Variants in SLCO4A1 observed in about 807,000 individuals in gnomAD.
The protein encoded by SLCO4A1 is solute carrier organic anion transporter family member 4A1.
A neutral mutation model predicts 64.6 loss-of-function variants in SLCO4A1; 51 were observed. That is an observed-to-expected ratio of 0.79 (90% CI 0.63 to 1.00). SLCO4A1 has a LOEUF of 1.00. Among genes scored for constraint, SLCO4A1 ranks in the 50% least tolerant of loss-of-function variants. The probability of loss-of-function intolerance (pLI) is 0.00; values close to 1 mark genes in which losing one functional copy is unlikely to be tolerated. For missense variants in SLCO4A1, 919 were observed against 980.5 expected (o/e 0.94, Z 0.84); for synonymous variants, 471 against 444.9 (o/e 1.06, Z -0.74).
downstream of SLCO4A1, among the ~76,000 whole-genome samples, chr20:62,688,955 C>G (rs948244934): frequency 3.9e-5 from 6 of 152,254 alleles, no homozygotes; most frequent in African/African-American, 1.4e-4. Flanking sequence ...TTTCTAGAAG[C>G]TGGAAAATCA....
At chr20:62,679,371 T>G (rs1294514669) in intron 2 of SLCO4A1, among the ~76,000 whole-genome samples, 2 of 151,832 alleles carry the variant, frequency 1.3e-5, no homozygotes, top group Non-Finnish European at 2.9e-5. Flanking sequence ...ATTCCTTTTT[T>G]TTTTTTCTGA....
chr20:62,674,858 C>G (rs1987513371), downstream of SLCO4A1, among the ~76,000 whole-genome samples: 1 of 152,210 alleles, frequency 6.6e-6, no homozygotes, highest in South Asian at 2.1e-4. Context: ...AGACAGCCGT[C>G]TGCAGACCAA....
intron 6 of SLCO4A1, chr20:62,665,513 A>G: frequency 6.2e-6 from 1 of 161,494 alleles, no homozygotes; most frequent in Non-Finnish European, 1.3e-5. Flanking sequence ...GAAAGTGGGG[A>G]CCCCTCCTCA....
intron 2 of SLCO4A1, among the ~76,000 whole-genome samples, chr20:62,681,811 A>G (rs543004394): frequency 2.6e-5 from 4 of 152,288 alleles, no homozygotes; most frequent in African/African-American, 9.6e-5. Context: ...TTTCTTTTTC[A>G]GAAGGTCTCA....
intron 11 of SLCO4A1, among the ~76,000 whole-genome samples, chr20:62,669,399 A>T (rs1420221326): frequency 6.6e-6 from 1 of 152,228 alleles, no homozygotes; most frequent in Non-Finnish European, 1.5e-5. Flanking sequence ...GATGCCCGTT[A>T]ACTAAAAGCT....
intron 5 of SLCO4A1, chr20:62,663,077 A>G (rs1212542765): frequency 6.6e-6 from 1 of 152,246 alleles, no homozygotes; most frequent in Non-Finnish European, 1.5e-5. Flanking sequence ...AAGGGGACAG[A>G]AAGAACCCAT....
At chr20:62,660,358 T>C (rs1984533496) in intron 3 of SLCO4A1, 54 bp from the exon 4 acceptor site, 1 of 1,580,870 alleles carries the variant, frequency 6.3e-7, no homozygotes, top group South Asian at 1.1e-5. Flanking sequence ...GTGTGTGCCA[T>C]GGAGGGCACA....
intron 1 of SLCO4A1, among the ~76,000 whole-genome samples, chr20:62,648,342 A>G (rs775516385): frequency 1.6e-4 from 25 of 152,244 alleles, no homozygotes; most frequent in Non-Finnish European, 2.9e-4. Flanking sequence ...GGACAGAGGC[A>G]TCAGGGCAGT....
chr20:62,655,084 G>T (rs1404101773), intron 1 of SLCO4A1, among the ~76,000 whole-genome samples: 1 of 152,226 alleles, frequency 6.6e-6, no homozygotes, highest in South Asian at 2.1e-4. Flanking sequence ...ATATTCGGAG[G>T]TATTGGGGTC....
At chr20:62,643,750 C>T (rs183710721) in intron 1 of SLCO4A1, among the ~76,000 whole-genome samples, 61 of 152,356 alleles carry the variant, frequency 4.0e-4, no homozygotes, top group Middle Eastern at 3.4e-3. Context: ...TAGCCGGCTC[C>T]GCTTGTGAAT....
At chr20:62,653,937 G>GC (rs1423598468) in intron 1 of SLCO4A1, among the ~76,000 whole-genome samples, 1 of 152,018 alleles carries the variant, frequency 6.6e-6, no homozygotes, top group African/African-American at 2.4e-5. Flanking sequence ...TAAACCTAAT[G>GC]TAAATGATGA....
In SLCO4A1 at chr20:62,657,117, G is replaced by C. The variant is rs898179378; in HGVS notation, c.663G>C (p.Ser221=). 1.9e-6 allele frequency: 3 copies of C among 1,583,442 alleles called. No homozygotes were observed. Among genetic ancestry groups the C allele is most frequent in the East Asian group, 2.3e-5 (1 of 43,126 alleles). Residue 221 remains serine (S), a synonymous_variant, in exon 2 of 12, where the codon TCG becomes TCC. Transcript: ENST00000217159. ...GCGCGGTGTGTGCGGACAGCACCTC[G>C]GGCCTGTCCCGCTACCAGCTGGTCT... ...NPGAVCADST[S]GLSRYQLVFM...
chr20:62,668,958 C>CT lies in SLCO4A1; in HGVS notation c.1906dup (p.Trp636LeufsTer76). On this transcript the variant is annotated frameshift_variant, in exon 11 of 12. Coordinates refer to ENST00000217159, the MANE Select transcript of SLCO4A1 (RefSeq NM_016354.4). LOFTEE classifies it high-confidence loss of function. ...GCATCCCGGGGCCCATCGCCTTCGG[C>CT]TGGGTGATCGACAAGGCCTGTCTGC... The CT allele has an allele frequency of 6.2e-7, 1 of 1,607,886 alleles. No homozygotes were observed. Among genetic ancestry groups the CT allele is most frequent in the South Asian group, 1.1e-5 (1 of 91,076 alleles).
downstream of SLCO4A1, among the ~76,000 whole-genome samples, chr20:62,690,499 G>T (rs995369079): frequency 6.6e-6 from 1 of 152,170 alleles, no homozygotes; most frequent in Admixed American, 6.5e-5. Context: ...CAGAGCCCTG[G>T]CTGTGCTATT....
intron 9 of SLCO4A1, 22 bp downstream of exon 9, chr20:62,668,206 G>A (rs753903392): frequency 1.4e-5 from 23 of 1,612,916 alleles, no homozygotes; most frequent in Middle Eastern, 3.3e-4. Context: ...TCGGGTGTGC[G>A]CTTGTCCAGA....
intron 6 of SLCO4A1, chr20:62,666,119 C>CT (rs1986242826): frequency 3.3e-5 from 2 of 59,864 alleles, no homozygotes; most frequent in Admixed American, 1.9e-4. Context: ...CGCCCCCCCG[C>CT]TCCCCCTTCC....
intron 1 of SLCO4A1, among the ~76,000 whole-genome samples, chr20:62,648,644 C>T (rs1354740932): frequency 6.6e-6 from 1 of 152,234 alleles, no homozygotes; most frequent in Non-Finnish European, 1.5e-5. Flanking sequence ...GGGCAGATTT[C>T]AGTAACTGTG....
chr20:62,689,188 C>T (rs937290689), downstream of SLCO4A1, among the ~76,000 whole-genome samples: 8 of 152,042 alleles, frequency 5.3e-5, no homozygotes, highest in Non-Finnish European at 1.2e-4. Flanking sequence ...CCTGGCTGTG[C>T]CCCGCGCCTC....
intron 2 of SLCO4A1, among the ~76,000 whole-genome samples, chr20:62,678,575 A>T (rs1404482526): frequency 6.9e-6 from 1 of 144,222 alleles, no homozygotes; most frequent in Non-Finnish European, 1.5e-5. Context: ...TCTGTCACCC[A>T]GGCTAGAGTG....
Sources: gnomAD v4.1 joint callset for allele counts (sites outside exome capture counted in the v4.1 genomes callset) on GRCh38, gnomAD v4.1.1 for gene constraint, MANE v1.5 for transcripts, NCBI Gene and HGNC (gene_info 2026-07-23, HGNC 2026-07-21) for gene names.